The following BPGM variants were observed in gnomAD, a reference collection of about 807,000 sequenced individuals.
The protein encoded by BPGM is bisphosphoglycerate mutase.
In BPGM, 15 loss-of-function variants were observed where a neutral mutation model predicts 21.6. The ratio of observed to expected loss-of-function variants is 0.70; its 90% CI spans 0.47 to 1.07. BPGM has a LOEUF of 1.07. BPGM is among the 50% of genes least tolerant of loss of function. BPGM has a pLI of 0.00. For synonymous variants in BPGM, 113 were observed against 116.2 expected, an observed-to-expected ratio of 0.97 and a Z score of 0.18; for missense variants, 273 against 319.0, an observed-to-expected ratio of 0.86 and a Z score of 1.10.
chr7:134,674,232 A>G (rs1230463207), intron 2 of BPGM, among the ~76,000 whole-genome samples: 1 of 152,110 alleles, frequency 6.6e-6, no homozygotes, highest in Non-Finnish European at 1.5e-5. Context: ...ATTTTTTAAC[A>G]TCTTTATTGC....
intron 2 of BPGM, among the ~76,000 whole-genome samples, chr7:134,667,999 T>A (rs563837313): frequency 2.0e-5 from 3 of 152,326 alleles, no homozygotes; most frequent in Admixed American, 6.5e-5. Flanking sequence ...TGCTTTAAGA[T>A]CTTTCTACTA....
intron 2 of BPGM, among the ~76,000 whole-genome samples, chr7:134,676,860 C>G (rs927149014): frequency 1.3e-5 from 2 of 152,194 alleles, no homozygotes; most frequent in Admixed American, 6.5e-5. Flanking sequence ...AGGCTGTTGA[C>G]TTCCCCTCCT....
At chr7:134,677,325 A>G (rs143976397) in intron 2 of BPGM, among the ~76,000 whole-genome samples, 1 of 152,242 alleles carries the variant, frequency 6.6e-6, no homozygotes, top group African/African-American at 2.4e-5. Context: ...AAAATTCTGT[A>G]TTACATTGAA....
chr7:134,661,645 A>AGC lies in BPGM; in HGVS notation c.140_141dup (p.Leu48ArgfsTer2), dbSNP rs1795733610. 6.2e-6 allele frequency: 10 copies of AGC among 1,614,168 alleles called. No individual in the cohort carries two copies. Among genetic ancestry groups the AGC allele is most frequent in the Non-Finnish European group, 8.5e-6 (10 of 1,180,026 alleles). On this transcript the variant is annotated frameshift_variant, in exon 2 of 3. Coordinates refer to ENST00000344924, the MANE Select transcript of BPGM (RefSeq NM_001724.5). LOFTEE classifies it high-confidence loss of function. The surrounding 1 kb of genome is among the most constrained non-coding windows in gnomAD (Gnocchi z 4.6). ...CTCGGAACTGTGGGAAGCAACTCAA[A>AGC]GCGTTAAACTTTGAGTTTGATCTTG...
At chr7:134,655,699 C>A (rs1257007144) in intron 1 of BPGM, among the ~76,000 whole-genome samples, 3 of 152,132 alleles carry the variant, frequency 2.0e-5, no homozygotes, top group African/African-American at 7.2e-5. Context: ...ACATCTTAGC[C>A]CTGCCAACTG....
At chr7:134,671,771 C>T (rs1795908671) in intron 2 of BPGM, among the ~76,000 whole-genome samples, 1 of 152,186 alleles carries the variant, frequency 6.6e-6, no homozygotes, top group South Asian at 2.1e-4. Context: ...TTTCTGGACC[C>T]TAGCAGCCAA....
At chr7:134,678,643 C>A (rs1250619973) in intron 2 of BPGM, among the ~76,000 whole-genome samples, 1 of 152,184 alleles carries the variant, frequency 6.6e-6, no homozygotes, top group Admixed American at 6.5e-5. Flanking sequence ...TATCTACTGT[C>A]CTGATGTAGC....
At chr7:134,678,800 C>T in intron 2 of BPGM, 53 bp from the exon 3 acceptor site, 1 of 1,529,608 alleles carries the variant, frequency 6.5e-7, no homozygotes, top group Non-Finnish European at 9.1e-7. Flanking sequence ...TTAAACAGAA[C>T]TTCCTCCTGA....
chr7:134,664,003 T>C (rs958636839), intron 2 of BPGM, among the ~76,000 whole-genome samples: 7 of 152,196 alleles, frequency 4.6e-5, no homozygotes, highest in African/African-American at 1.7e-4. Flanking sequence ...AGGTTGTGTT[T>C]AGACATAGCA....
intron 2 of BPGM, among the ~76,000 whole-genome samples, chr7:134,666,762 A>G (rs10273409): frequency 6.6e-6 from 1 of 152,230 alleles, no homozygotes; most frequent in African/African-American, 2.4e-5. Flanking sequence ...GGATCACTGC[A>G]TAAGTTATTG....
intron 2 of BPGM, among the ~76,000 whole-genome samples, chr7:134,670,590 A>G (rs937803871): frequency 6.6e-6 from 1 of 151,530 alleles, no homozygotes; most frequent in Non-Finnish European, 1.5e-5. Context: ...ATATCTTTAC[A>G]TATATAGTAT....
intron 1 of BPGM, among the ~76,000 whole-genome samples, chr7:134,654,327 G>C (rs4142279): frequency 0.58 from 88,261 of 151,540 alleles, 26,661 homozygotes; most frequent in East Asian, 0.89. Flanking sequence ...TTAAAGCAGT[G>C]AGAAAAGGGT....
chr7:134,667,531 C>T (rs1025425113), intron 2 of BPGM, among the ~76,000 whole-genome samples: 1 of 152,026 alleles, frequency 6.6e-6, no homozygotes, highest in Non-Finnish European at 1.5e-5. Context: ...CATAGTGAGA[C>T]CCCATTTTAG....
intron 2 of BPGM, among the ~76,000 whole-genome samples, chr7:134,673,831 AG>A (rs1361730912): frequency 1.3e-5 from 2 of 151,870 alleles, no homozygotes; most frequent in Non-Finnish European, 2.9e-5. Context: ...TAGTTTAAAA[AG>A]GTCCATTTTT....
At chr7:134,662,219 C>A in intron 2 of BPGM, 111 bp downstream of exon 2, 1 of 1,391,584 alleles carries the variant, frequency 7.2e-7, no homozygotes, top group Non-Finnish European at 1.0e-6. Flanking sequence ...CTCTATCCCC[C>A]TTTGTCACTT....
At chr7:134,664,730 A>G (rs950082071) in intron 2 of BPGM, among the ~76,000 whole-genome samples, 22 of 152,346 alleles carry the variant, frequency 1.4e-4, no homozygotes, top group African/African-American at 4.1e-4. Flanking sequence ...AATGGGGTCT[A>G]TCTATACAAT....
chr7:134,675,706 T>C (rs1795975244), intron 2 of BPGM, among the ~76,000 whole-genome samples: 1 of 152,190 alleles, frequency 6.6e-6, no homozygotes, highest in African/African-American at 2.4e-5. Flanking sequence ...TTGGCTATTC[T>C]GAGTACCTTA....
intron 2 of BPGM, among the ~76,000 whole-genome samples, chr7:134,663,368 A>ATGTGTGTGTG (rs146657759): frequency 5.0e-4 from 76 of 151,174 alleles, no homozygotes; most frequent in African/African-American, 1.8e-3. Flanking sequence ...GGCACTTGAT[A>ATGTGTGTGTG]TGTGTGTGTG....
rs139629216 is a variant in BPGM at position 134,670,268 on chromosome 7, A to G, written c.601+8160A>G. Among the ~76,000 whole-genome samples the G allele has an allele frequency of 2.9e-3, 438 of 152,314 alleles. 2 individuals carry two copies. Among genetic ancestry groups the G allele is most frequent in the African/African-American group, 1.0e-2 (414 of 41,564 alleles). On this transcript the variant is annotated intron_variant, in intron 2 of 2. Transcript: ENST00000344924. The stretch of plus-strand genomic sequence containing the variant: ...TAGCAAGGCACAGAAGTGCTGAGAT[A>G]AAATTAGAGACTCAGGGAGGAAAGG...
Sources: allele counts gnomAD v4.1 joint callset (sites outside exome capture counted in the v4.1 genomes callset), GRCh38; gene constraint gnomAD v4.1.1; non-coding constraint Gnocchi (gnomAD v3.1); transcripts MANE v1.5; gene names NCBI Gene and HGNC (gene_info 2026-07-23, HGNC 2026-07-21).